Variants in PHACTR2 observed in about 807,000 individuals in gnomAD.
PHACTR2 encodes chromosome 6 open reading frame 56.
In PHACTR2, 30 loss-of-function variants were observed where a neutral mutation model predicts 76.0. The observed-to-expected ratio is 0.39, with a 90% CI of 0.30 to 0.54. The LOEUF (loss-of-function observed/expected upper bound fraction) is 0.54, where lower values mean the gene tolerates loss of function less well. Among genes scored for constraint, PHACTR2 ranks in the 20% least tolerant of loss-of-function variants. The pLI is 0.61. For synonymous variants in PHACTR2, 292 were observed against 292.5 expected (o/e 1.00, Z 0.02); for missense variants, 696 against 781.1 (o/e 0.89, Z 1.30).
chr6:143,607,728 G>GT (rs1432906663), upstream of PHACTR2, among the ~76,000 whole-genome samples: 1 of 152,090 alleles, frequency 6.6e-6, no homozygotes, highest in African/African-American at 2.4e-5. Flanking sequence ...ATTTTTCAAT[G>GT]TTTTATCTGC....
rs1304755372 is a variant in PHACTR2 at position 143,750,455 on chromosome 6, T to A, written c.295+1390T>A. Among the ~76,000 whole-genome samples the A allele has an allele frequency of 6.6e-6, 1 of 152,176 alleles. No individual in the cohort carries two copies. Among genetic ancestry groups the A allele is most frequent in the Non-Finnish European group, 1.5e-5 (1 of 68,032 alleles). ...CCATTGAAAGCTTAACACTGGGCCA[T>A]CAGCTTTATGGGATGGGCCAATGCA... On this transcript the variant is annotated intron_variant, in intron 3 of 12. Coordinates refer to ENST00000440869, the MANE Select transcript of PHACTR2 (RefSeq NM_001100164.2). The surrounding 1 kb of genome is among the most constrained non-coding windows in gnomAD (Gnocchi z 4.6).
intron 1 of PHACTR2, among the ~76,000 whole-genome samples, chr6:143,576,257 G>T (rs186686556): frequency 6.6e-6 from 1 of 152,296 alleles, no homozygotes; most frequent in Admixed American, 6.5e-5. Flanking sequence ...AGATGCTGCT[G>T]TATAACACTC....
intron 1 of PHACTR2, among the ~76,000 whole-genome samples, chr6:143,587,654 A>G (rs983921779): frequency 6.6e-6 from 1 of 152,176 alleles, no homozygotes; most frequent in Non-Finnish European, 1.5e-5. Flanking sequence ...AGAGTTTTCT[A>G]TTTTGAAATT....
rs1023642678 is a variant in PHACTR2 at position 143,627,764 on chromosome 6, G to C, written c.13+19442G>C. 1.3e-5 allele frequency among the ~76,000 whole-genome samples: 2 copies of C among 151,984 alleles called. No individual in the cohort carries two copies. Among genetic ancestry groups the C allele is most frequent in the Non-Finnish European group, 2.9e-5 (2 of 68,010 alleles). Reference sequence around the variant, plus strand: ...CTACAGGCTCGTACCGCCACGCCCAGCTAATTTTTTGTATTTTTAGTAGAG... The same window carrying C: ...CTACAGGCTCGTACCGCCACGCCCACCTAATTTTTTGTATTTTTAGTAGAG... On this transcript the variant is annotated intron_variant, in intron 1 of 11. Coordinates refer to the PHACTR2 transcript ENST00000305766. This position sits in a 1 kb window ranked among gnomAD's most constrained non-coding sequence, Gnocchi z 4.3.
chr6:143,589,310 G>A lies in PHACTR2; in HGVS notation c.217+52103G>A, dbSNP rs557887811. Among the ~76,000 whole-genome samples, 2 of 152,288 alleles carry A rather than the reference G, an allele frequency of 1.3e-5. No homozygotes were observed. The highest frequency in any genetic ancestry group is 2.1e-4 in the South Asian group (1 of 4,828). ...TCCCCCTTGCTGTTGTCATGATAGTGAATGACTTCTCACGATATCTGGTTG... is the reference window on the plus strand; with the variant it reads ...TCCCCCTTGCTGTTGTCATGATAGTAAATGACTTCTCACGATATCTGGTTG... On this transcript the variant is annotated intron_variant, in intron 1 of 11. Coordinates refer to the PHACTR2 transcript ENST00000367584. The surrounding 1 kb of genome is among the most constrained non-coding windows in gnomAD (Gnocchi z 4.4).
chr6:143,774,306 T>G lies in PHACTR2; in HGVS notation c.1589+91T>G, dbSNP rs1035296310. 83 of 995,994 alleles carry G rather than the reference T, an allele frequency of 8.3e-5. 1 individual carries two copies. The highest frequency in any genetic ancestry group is 1.2e-4 in the Non-Finnish European group (81 of 655,638). The allele number at this position is 995,994 out of a possible 1,614,324, so 61.7% of individuals were successfully genotyped here. On this transcript the variant is annotated intron_variant, in intron 8 of 12. Coordinates refer to ENST00000440869, the MANE Select transcript of PHACTR2 (RefSeq NM_001100164.2). This position sits in a 1 kb window ranked among gnomAD's most constrained non-coding sequence, Gnocchi z 5.4. Reference sequence around the variant, plus strand: ...CCTAACTGGGGTCATTGTGAATTCCTTATGTACAGATACATCTGGCCTACT... The same window carrying G: ...CCTAACTGGGGTCATTGTGAATTCCGTATGTACAGATACATCTGGCCTACT...
rs1238811371 is a variant in PHACTR2, at chr6:143,570,652, G to A, written c.217+33445G>A. ...CCTGGGGCTCTCCCTCTCCCCGCTT[G>A]CTCTCCTTCCCTAATCCCCACACCT... is the stretch of plus-strand genomic sequence containing the variant. On this transcript the variant is annotated intron_variant, in intron 1 of 11. Coordinates refer to the PHACTR2 transcript ENST00000367584. The surrounding 1 kb of genome is among the most constrained non-coding windows in gnomAD (Gnocchi z 4.6). 6.6e-6 allele frequency among the ~76,000 whole-genome samples: 1 copy of A among 152,094 alleles called. No homozygotes were observed. The highest frequency in any genetic ancestry group is 2.4e-5 in the African/African-American group (1 of 41,412).
intron 1 of PHACTR2, among the ~76,000 whole-genome samples, chr6:143,634,514 G>T (rs1246628010): frequency 6.6e-6 from 1 of 152,148 alleles, no homozygotes; most frequent in Non-Finnish European, 1.5e-5. Flanking sequence ...CAGAGGTCTT[G>T]GTGCCAGCTG....
At chr6:143,762,601 A>G (rs903792469) in intron 5 of PHACTR2, among the ~76,000 whole-genome samples, 2 of 152,226 alleles carry the variant, frequency 1.3e-5, no homozygotes, top group African/African-American at 2.4e-5. Flanking sequence ...AACTTTCTGC[A>G]TAGTAACTTT....
At chr6:143,769,495 C>A (rs1042206424) in intron 6 of PHACTR2, among the ~76,000 whole-genome samples, 12 of 152,142 alleles carry the variant, frequency 7.9e-5, no homozygotes, top group Non-Finnish European at 1.6e-4. Context: ...AATAGGTAGA[C>A]CGAGTCTTCA....
chr6:143,557,082 A>G lies in PHACTR2; in HGVS notation c.217+19875A>G, dbSNP rs1045644111. On this transcript the variant is annotated intron_variant, in intron 1 of 11. Coordinates refer to the PHACTR2 transcript ENST00000367584. The surrounding 1 kb of genome is among the most constrained non-coding windows in gnomAD (Gnocchi z 5.5). ...AAATATGTTCTCCATGTGGTTCGGC[A>G]AGAGGATTCACTTGGTTTGACAAAC... Among the ~76,000 whole-genome samples the G allele has an allele frequency of 1.8e-4, 28 of 152,330 alleles. No homozygotes were observed. The highest frequency in any genetic ancestry group is 3.5e-4 in the Non-Finnish European group (24 of 68,026).
At chr6:143,724,485 G>A (rs1778514908) in intron 2 of PHACTR2, among the ~76,000 whole-genome samples, 1 of 152,090 alleles carries the variant, frequency 6.6e-6, no homozygotes, top group African/African-American at 2.4e-5. Flanking sequence ...CTAGAGCAAA[G>A]GATGATGCGA....
At chr6:143,699,347 C>T (rs578083018) in intron 1 of PHACTR2, among the ~76,000 whole-genome samples, 1 of 152,232 alleles carries the variant, frequency 6.6e-6, no homozygotes, top group African/African-American at 2.4e-5. Flanking sequence ...GCTTGAGTGT[C>T]CTTCACACTT....
rs1776095396 is a variant in PHACTR2, at chr6:143,807,731, G to A, written c.1922+598G>A. On this transcript the variant is annotated intron_variant, in intron 12 of 12. Coordinates refer to ENST00000440869, the MANE Select transcript of PHACTR2 (RefSeq NM_001100164.2). The surrounding 1 kb of genome is among the most constrained non-coding windows in gnomAD (Gnocchi z 5.5). ...TTAGGATGGGAATCCTGATTTTACT[G>A]GTGACGAAGGAGATCGCTATCATCT... Among the ~76,000 whole-genome samples the A allele has an allele frequency of 6.6e-6, 1 of 152,156 alleles. No homozygotes were observed. The highest frequency in any genetic ancestry group is 2.4e-5 in the African/African-American group (1 of 41,430).
intron 2 of PHACTR2, among the ~76,000 whole-genome samples, chr6:143,735,518 G>A (rs1190680388): frequency 1.3e-5 from 2 of 151,870 alleles, no homozygotes; most frequent in African/African-American, 2.4e-5. Flanking sequence ...TATTCACATC[G>A]TTGTGCAACA....
At chr6:143,726,910 A>G (rs180910703) in intron 2 of PHACTR2, among the ~76,000 whole-genome samples, 1 of 152,316 alleles carries the variant, frequency 6.6e-6, no homozygotes, top group African/African-American at 2.4e-5. Context: ...TATTTAGGAT[A>G]TCCATCACCT....
In PHACTR2 at chr6:143,635,609, C is replaced by A. The variant is rs182038448; in HGVS notation, c.13+27287C>A. On this transcript the variant is annotated intron_variant, in intron 1 of 11. Transcript: ENST00000305766. ...AGCAGGCCTATAAATCTTTGGCAAC[C>A]CAATAGGTGAAAAATCATTTCTAAT... is the stretch of plus-strand genomic sequence containing the variant. Among the ~76,000 whole-genome samples, 475 of 152,244 alleles carry A rather than the reference C, an allele frequency of 3.1e-3. 6 individuals are homozygous for A. The highest frequency in any genetic ancestry group is 2.8e-3 in the Non-Finnish European group (189 of 68,016).
chr6:143,705,277 T>G (rs893929046), intron 1 of PHACTR2, among the ~76,000 whole-genome samples: 1 of 146,762 alleles, frequency 6.8e-6, no homozygotes, highest in African/African-American at 2.6e-5. Flanking sequence ...TGCTACAAAG[T>G]CTGGCTAATT....
chr6:143,605,128 C>G (rs915780790), upstream of PHACTR2, among the ~76,000 whole-genome samples: 22 of 151,952 alleles, frequency 1.4e-4, no homozygotes, highest in African/African-American at 5.3e-4. This position sits in a 1 kb window ranked among gnomAD's most constrained non-coding sequence, Gnocchi z 5.0. Context: ...GGCAAACACT[C>G]TCTTAAAAAA....
Sources: gnomAD v4.1 joint callset for allele counts (sites outside exome capture counted in the v4.1 genomes callset) on GRCh38, gnomAD v4.1.1 for gene constraint, Gnocchi (gnomAD v3.1) non-coding constraint, MANE v1.5 for transcripts, NCBI Gene and HGNC (gene_info 2026-07-23, HGNC 2026-07-21) for gene names.